Variants in TAFA4 observed in about 807,000 individuals in gnomAD.
TAFA4 encodes chemokine-like protein TAFA-4.
In TAFA4, 20 loss-of-function variants were observed where a neutral mutation model predicts 21.1. The ratio of observed to expected loss-of-function variants is 0.95; its 90% CI spans 0.67 to 1.38. The LOEUF (loss-of-function observed/expected upper bound fraction) is 1.38. TAFA4 is among the 40% of genes most tolerant of loss of function. TAFA4 has a pLI of 0.00. For missense variants in TAFA4, 211 were observed against 180.9 expected (o/e 1.17, Z -0.95); for synonymous variants, 71 against 67.4 (o/e 1.05, Z -0.26).
chr3:68,852,081 G>T lies in TAFA4; in HGVS notation c.130+28649C>A, dbSNP rs140072057. On this transcript the variant is annotated intron_variant, in intron 3 of 5. Coordinates refer to ENST00000295569, the MANE Select transcript of TAFA4 (RefSeq NM_182522.5). ...GACCACACTTTAACAGTCCCTACCTGAAGTCTTAACAACTGATACGTGATG... is the reference window on the plus strand; with the variant it reads ...GACCACACTTTAACAGTCCCTACCTTAAGTCTTAACAACTGATACGTGATG... 4.3e-4 allele frequency among the ~76,000 whole-genome samples: 65 copies of T among 152,258 alleles called. No homozygotes were observed. The East Asian group carries it at 0.011, about 25-fold the overall frequency.
At chr3:68,816,316 TA>T (rs533462044) in intron 3 of TAFA4, among the ~76,000 whole-genome samples, 7 of 151,158 alleles carry the variant, frequency 4.6e-5, no homozygotes, top group African/African-American at 1.2e-4. Context: ...AATGTATAAT[TA>T]AAAAAAAATA....
At chr3:68,832,977 C>T (rs1486088571) in intron 3 of TAFA4, among the ~76,000 whole-genome samples, 2 of 152,242 alleles carry the variant, frequency 1.3e-5, no homozygotes, top group African/African-American at 2.4e-5. Flanking sequence ...GTGCTACCAG[C>T]GAGCAAGGCT....
At chr3:68,863,070 CAAA>C (rs762098423) in intron 3 of TAFA4, among the ~76,000 whole-genome samples, 4 of 77,934 alleles carry the variant, frequency 5.1e-5, no homozygotes, top group Non-Finnish European at 5.7e-5. Context: ...CCCATCTCTA[CAAA>C]AAAAAAAAAA....
At chr3:68,876,271 A>C (rs2089548928) in intron 3 of TAFA4, among the ~76,000 whole-genome samples, 1 of 152,206 alleles carries the variant, frequency 6.6e-6, no homozygotes. Flanking sequence ...GCAAAATTAC[A>C]TGTGGCTCTA....
chr3:68,784,689 G>A (rs1477774767), intron 3 of TAFA4, among the ~76,000 whole-genome samples: 2 of 152,202 alleles, frequency 1.3e-5, no homozygotes, highest in African/African-American at 4.8e-5. Flanking sequence ...CAGGGTGGAA[G>A]GGGACCCGAG....
chr3:68,883,257 C>T (rs1243623945), intron 2 of TAFA4, among the ~76,000 whole-genome samples: 1 of 152,186 alleles, frequency 6.6e-6, no homozygotes, highest in Non-Finnish European at 1.5e-5. Flanking sequence ...CTCTGTATTC[C>T]CCGTATTCTT....
At chr3:68,790,633 C>T (rs1703344520) in intron 3 of TAFA4, among the ~76,000 whole-genome samples, 1 of 152,124 alleles carries the variant, frequency 6.6e-6, no homozygotes, top group African/African-American at 2.4e-5. Flanking sequence ...ATGAGAATCC[C>T]CTAAATGACT....
chr3:68,836,660 CGTT>C (rs1355247305), intron 3 of TAFA4, among the ~76,000 whole-genome samples: 1 of 152,156 alleles, frequency 6.6e-6, no homozygotes, highest in Non-Finnish European at 1.5e-5. Context: ...ACATAAAAAT[CGTT>C]GTTCTCATGG....
At chr3:68,791,996 C>G (rs1292092356) in intron 3 of TAFA4, among the ~76,000 whole-genome samples, 1 of 152,164 alleles carries the variant, frequency 6.6e-6, no homozygotes, top group Non-Finnish European at 1.5e-5. Flanking sequence ...TAAAAAAAAA[C>G]TCTGAGACTG....
At chr3:68,840,744 A>G (rs1245539407) in intron 3 of TAFA4, among the ~76,000 whole-genome samples, 1 of 152,182 alleles carries the variant, frequency 6.6e-6, no homozygotes, top group Non-Finnish European at 1.5e-5. Context: ...CAGCTGGTTT[A>G]GCAGTAAACT....
intron 3 of TAFA4, among the ~76,000 whole-genome samples, chr3:68,773,914 G>GATC (rs1703004057): frequency 6.6e-6 from 1 of 152,202 alleles, no homozygotes; most frequent in Non-Finnish European, 1.5e-5. Context: ...TACTCAAGCA[G>GATC]TAACCAACAG....
At chr3:68,812,453 A>C (rs1285865155) in intron 3 of TAFA4, among the ~76,000 whole-genome samples, 2 of 152,232 alleles carry the variant, frequency 1.3e-5, no homozygotes, top group Non-Finnish European at 2.9e-5. Flanking sequence ...AGACACATAT[A>C]GGCTCAAAAT....
chr3:68,813,670 A>G (rs989126656), intron 3 of TAFA4, among the ~76,000 whole-genome samples: 5 of 152,208 alleles, frequency 3.3e-5, no homozygotes, highest in Non-Finnish European at 7.3e-5. Flanking sequence ...TGAGGCAATA[A>G]TTAATAGCTT....
chr3:68,751,423 A>G (rs1428855581), intron 4 of TAFA4, among the ~76,000 whole-genome samples: 2 of 152,112 alleles, frequency 1.3e-5, no homozygotes, highest in African/African-American at 4.8e-5. Context: ...GGGGATGGAG[A>G]AAAGTGGGCT....
intron 1 of TAFA4, among the ~76,000 whole-genome samples, chr3:68,904,510 T>A (rs1413459062): frequency 2.0e-5 from 3 of 152,214 alleles, no homozygotes; most frequent in Admixed American, 6.5e-5. Context: ...AGTTTCCCAA[T>A]TTATATTGCA....
chr3:68,798,587 A>C lies in TAFA4; in HGVS notation c.131-45569T>G, dbSNP rs1703504508. Among the ~76,000 whole-genome samples the C allele has an allele frequency of 2.0e-5, 3 of 152,222 alleles. No homozygotes were observed. In the South Asian group the frequency reaches 6.2e-4, roughly 32 times the overall value. On this transcript the variant is annotated intron_variant, in intron 3 of 5. Coordinates refer to ENST00000295569, the MANE Select transcript of TAFA4 (RefSeq NM_182522.5). ...GACATTGCTCATTTGGGGTATGCAC[A>C]CCATCAAGAGCACAAAAATATAAAA... is the stretch of plus-strand genomic sequence containing the variant.
At chr3:68,930,311 T>G (rs1216695387) in intron 1 of TAFA4, among the ~76,000 whole-genome samples, 2 of 152,122 alleles carry the variant, frequency 1.3e-5, no homozygotes, top group Non-Finnish European at 2.9e-5. Flanking sequence ...TTTGTAGGGG[T>G]TTTTGTATGT....
At chr3:68,925,876 C>A (rs1275554465) in intron 1 of TAFA4, among the ~76,000 whole-genome samples, 1 of 152,110 alleles carries the variant, frequency 6.6e-6, no homozygotes, top group Admixed American at 6.6e-5. Flanking sequence ...CTCTAATGGG[C>A]CTTTGCTGAG....
At chr3:68,750,415 C>A (rs1334694199) in intron 4 of TAFA4, among the ~76,000 whole-genome samples, 3 of 152,212 alleles carry the variant, frequency 2.0e-5, no homozygotes, top group Non-Finnish European at 4.4e-5. Flanking sequence ...AAGATTTCTG[C>A]AACCTAATAC....
Sources: allele counts gnomAD v4.1 joint callset (sites outside exome capture counted in the v4.1 genomes callset), GRCh38; gene constraint gnomAD v4.1.1; transcripts MANE v1.5; gene names NCBI Gene and HGNC (gene_info 2026-07-23, HGNC 2026-07-21).